The following OVCH1 variants were observed in gnomAD, a reference collection of about 807,000 sequenced individuals.
OVCH1 encodes ovochymase-1.
OVCH1 carries 139 observed loss-of-function variants against 138.4 expected under a neutral mutation model. The observed-to-expected ratio is 1.00, with a 90% CI of 0.87 to 1.16. The LOEUF (loss-of-function observed/expected upper bound fraction) is 1.16, where lower values mean the gene tolerates loss of function less well. Among genes scored for constraint, OVCH1 ranks in the 50% most tolerant of loss-of-function variants. The probability of loss-of-function intolerance (pLI) is 0.00; values close to 1 mark genes in which losing one functional copy is unlikely to be tolerated. For missense variants in OVCH1, 1,367 were observed against 1,357.9 expected (o/e 1.01, Z -0.11); for synonymous variants, 453 against 467.8 (o/e 0.97, Z 0.41).
At chr12:29,454,246 C>T (rs1253818330) in intron 21 of OVCH1, among the ~76,000 whole-genome samples, 1 of 152,098 alleles carries the variant, frequency 6.6e-6, no homozygotes, top group African/African-American at 2.4e-5. Context: ...CTTACATTTT[C>T]TTTAAACTCT....
chr12:29,460,482 G>A (rs145093510), intron 19 of OVCH1, among the ~76,000 whole-genome samples: 3 of 152,134 alleles, frequency 2.0e-5, no homozygotes, highest in African/African-American at 7.2e-5. Context: ...CCATGTCCTG[G>A]CTCTGTGCCT....
At chr12:29,407,152 T>G in the OVCH1 span, among the ~76,000 whole-genome samples, 4 of 151,290 alleles carry the variant, frequency 2.6e-5, no homozygotes, top group African/African-American at 9.7e-5. Context: ...TTGATGGGGT[T>G]GTTTGTTTTT....
At chr12:29,442,817 A>G (rs529911823) in intron 25 of OVCH1, among the ~76,000 whole-genome samples, 1 of 152,074 alleles carries the variant, frequency 6.6e-6, no homozygotes, top group Non-Finnish European at 1.5e-5. Flanking sequence ...AATATTTAGG[A>G]AATTCTGCCA....
At chr12:29,465,048 G>A (rs1942269420) in intron 17 of OVCH1, 99 bp downstream of exon 17, 1 of 1,005,308 alleles carries the variant, frequency 9.9e-7, no homozygotes. Context: ...AGGGCCCTAG[G>A]AGATTAATAA....
intron 27 of OVCH1, chr12:29,431,027 C>T (rs1454609166): frequency 2.6e-6 from 1 of 378,288 alleles, no homozygotes; most frequent in African/African-American, 2.1e-5. Flanking sequence ...AGAATAAGAA[C>T]ATTCAGGGTC....
chr12:29,405,021 C>CAAAAAAAAAAA, the OVCH1 span, among the ~76,000 whole-genome samples: 18 of 80,440 alleles, frequency 2.2e-4, 1 homozygote, highest in African/African-American at 6.3e-4. Flanking sequence ...CACTCCACCT[C>CAAAAAAAAAAA]AAAAAAAAAA....
chr12:29,495,637 G>A lies in OVCH1; in HGVS notation c.282-180C>T, dbSNP rs72640151. ...TATTTTTTTTAATCTAGAAAAAATCGTAGTTTTCAGTCATGTTTCCATTTT... is the reference window on the plus strand; with the variant it reads ...TATTTTTTTTAATCTAGAAAAAATCATAGTTTTCAGTCATGTTTCCATTTT... On this transcript the variant is annotated intron_variant, in intron 3 of 27. Transcript: ENST00000318184. 0.012 allele frequency among the ~76,000 whole-genome samples: 1,871 copies of A among 152,054 alleles called. 112 individuals are homozygous for A. In the East Asian group the frequency reaches 0.18, roughly 14 times the overall value.
At chr12:29,422,308 A>G (rs1941115977) in intron 3 of OVCH1, among the ~76,000 whole-genome samples, 1 of 152,178 alleles carries the variant, frequency 6.6e-6, no homozygotes, top group South Asian at 2.1e-4. Context: ...GGTCAATTAG[A>G]TGAGCATCCC....
At chr12:29,443,317 C>G in intron 25 of OVCH1, 44 bp downstream of exon 25, 1 of 1,581,332 alleles carries the variant, frequency 6.3e-7, no homozygotes, top group South Asian at 1.1e-5. Context: ...CATGTTTCAT[C>G]AGAGAAAAAT....
intron 7 of OVCH1, chr12:29,487,460 C>T (rs1157143998): frequency 1.7e-5 from 7 of 409,678 alleles, no homozygotes; most frequent in South Asian, 6.1e-5. Context: ...AATAAAATCT[C>T]GTAAATGCAA....
chr12:29,460,922 G>A (rs1232172608), intron 19 of OVCH1, among the ~76,000 whole-genome samples: 1 of 152,206 alleles, frequency 6.6e-6, no homozygotes, highest in Admixed American at 6.5e-5. Flanking sequence ...TAAAAGGAAG[G>A]CGTTAATGAC....
intron 27 of OVCH1, chr12:29,430,787 T>C: frequency 5.2e-6 from 2 of 387,860 alleles, no homozygotes; most frequent in South Asian, 2.0e-5. Flanking sequence ...GCCTGTGGAG[T>C]CTGCACACCA....
intron 8 of OVCH1, among the ~76,000 whole-genome samples, chr12:29,485,341 A>AG: frequency 6.8e-6 from 1 of 146,434 alleles, no homozygotes; most frequent in South Asian, 2.2e-4. Context: ...AAAAAAAAAA[A>AG]GATGTCAAAT....
At chr12:29,474,074 T>TACACACACACACACAC (rs146655743) in intron 14 of OVCH1, among the ~76,000 whole-genome samples, 331 of 145,254 alleles carry the variant, frequency 2.3e-3, no homozygotes, top group African/African-American at 3.5e-3. Context: ...CACACACACA[T>TACACACACACACACAC]ACACACACAC....
intron 3 of OVCH1, among the ~76,000 whole-genome samples, chr12:29,419,693 C>CT (rs1428811520): frequency 5.3e-5 from 8 of 152,086 alleles, no homozygotes; most frequent in Admixed American, 5.2e-4. Context: ...ATAATGGCCT[C>CT]TGAAAGATAT....
At chr12:29,464,878 G>A (rs1942263050) in intron 17 of OVCH1, 176 bp from the exon 18 acceptor site, 2 of 681,082 alleles carry the variant, frequency 2.9e-6, no homozygotes, top group Non-Finnish European at 4.8e-6. Flanking sequence ...AGGGGGCTAT[G>A]AACCACCTTC....
chr12:29,463,832 T>C (rs1389190164), intron 18 of OVCH1, among the ~76,000 whole-genome samples: 1 of 152,070 alleles, frequency 6.6e-6, no homozygotes, highest in African/African-American at 2.4e-5. Context: ...TCCTTCAAGC[T>C]CACAGATTCC....
chr12:29,408,788 G>T (rs1292487700), downstream of OVCH1, among the ~76,000 whole-genome samples: 4 of 150,364 alleles, frequency 2.7e-5, no homozygotes, highest in Non-Finnish European at 4.5e-5. Flanking sequence ...TTGTGTCTCT[G>T]CCAGGCTTTG....
At chr12:29,443,795 T>G (rs1439708971) in intron 24 of OVCH1, among the ~76,000 whole-genome samples, 2 of 152,140 alleles carry the variant, frequency 1.3e-5, no homozygotes, top group African/African-American at 4.8e-5. Context: ...GACCTATATG[T>G]GCCAGAATTT....
Sources: gnomAD v4.1 joint callset for allele counts (sites outside exome capture counted in the v4.1 genomes callset) on GRCh38, gnomAD v4.1.1 for gene constraint, MANE v1.5 for transcripts, NCBI Gene and HGNC (gene_info 2026-07-23, HGNC 2026-07-21) for gene names.